DZANK1: variants seen among roughly 807,000 people sequenced by gnomAD.
DZANK1 encodes the protein double zinc ribbon and ankyrin repeat-containing protein 1.
Under a neutral mutation model 94.5 loss-of-function variants are expected in DZANK1, and 91 were observed. The observed-to-expected ratio is 0.96, with a 90% CI of 0.81 to 1.15. The LOEUF (loss-of-function observed/expected upper bound fraction) is 1.15, where lower values mean the gene tolerates loss of function less well. Ranked by LOEUF, DZANK1 falls within the 50% of genes most tolerant of loss-of-function variation. DZANK1 has a pLI of 0.00. For missense variants in DZANK1, 903 were observed against 916.4 expected (o/e 0.99, Z 0.19); for synonymous variants, 312 against 325.3 (o/e 0.96, Z 0.44).
intron 6 of DZANK1, chr20:18,451,857 G>C (rs576564313): frequency 1.9e-6 from 1 of 518,268 alleles, no homozygotes; most frequent in East Asian, 5.5e-5. Context: ...TTCTCACCTG[G>C]AACAAAAGCC....
chr20:18,458,256 C>T (rs921772454), intron 3 of DZANK1, among the ~76,000 whole-genome samples: 2 of 152,112 alleles, frequency 1.3e-5, no homozygotes, highest in African/African-American at 4.8e-5. Flanking sequence ...ATAAGTATCC[C>T]TGGATCTTAG....
At chr20:18,423,630 G>A (rs1437510287) in intron 10 of DZANK1, among the ~76,000 whole-genome samples, 2 of 152,116 alleles carry the variant, frequency 1.3e-5, no homozygotes, top group Admixed American at 1.3e-4. Flanking sequence ...TGTGCTCTCT[G>A]ACCATTAATG....
At chr20:18,458,476 T>C (rs2059365328) in intron 3 of DZANK1, among the ~76,000 whole-genome samples, 2 of 152,196 alleles carry the variant, frequency 1.3e-5, no homozygotes, top group African/African-American at 4.8e-5. Flanking sequence ...CTTAGAATTT[T>C]TTTCTCCATC....
chr20:18,434,857 C>T (rs1032996781), intron 8 of DZANK1, among the ~76,000 whole-genome samples: 5 of 152,140 alleles, frequency 3.3e-5, no homozygotes, highest in African/African-American at 1.2e-4. Flanking sequence ...GGCAAGCAAA[C>T]AAGGAAGACC....
In DZANK1 at chr20:18,414,519, G is replaced by A. The variant is rs770064879; in HGVS notation, c.1078-7C>T. The A allele has an allele frequency of 5.7e-6, 9 of 1,592,280 alleles. No homozygotes were observed. The highest frequency in any genetic ancestry group is 7.7e-6 in the Non-Finnish European group (9 of 1,168,884). ...AGCCAGCAGGAATGCCGAGCTAGAGGATAGAAAATATCTTGATGAATATTA... is the reference window on the plus strand; with the variant it reads ...AGCCAGCAGGAATGCCGAGCTAGAGAATAGAAAATATCTTGATGAATATTA... On this transcript the variant is annotated splice_region_variant and splice_polypyrimidine_tract_variant and intron_variant, in intron 11 of 20. Transcript: ENST00000262547.
intron 8 of DZANK1, among the ~76,000 whole-genome samples, chr20:18,435,124 G>A (rs1031954304): frequency 2.6e-5 from 4 of 152,202 alleles, no homozygotes; most frequent in African/African-American, 4.8e-5. Flanking sequence ...TAGAGTAAAA[G>A]CTGGGGCTGG....
At chr20:18,398,769 A>G (rs918977544) in intron 13 of DZANK1, 143 bp from the exon 14 acceptor site, 11 of 725,518 alleles carry the variant, frequency 1.5e-5, no homozygotes, top group African/African-American at 1.2e-4. Context: ...AACCTCAACT[A>G]TGCTCTGGAA....
chr20:18,385,252 C>T (rs1964715876), intron 19 of DZANK1, among the ~76,000 whole-genome samples, 162 bp from the exon 20 acceptor site: 1 of 151,534 alleles, frequency 6.6e-6, no homozygotes, highest in Admixed American at 6.6e-5. Flanking sequence ...TGGAGGAATA[C>T]TGTGATGGAG....
intron 6 of DZANK1, 52 bp from the exon 7 acceptor site, chr20:18,449,121 T>C: frequency 3.5e-6 from 5 of 1,427,648 alleles, no homozygotes; most frequent in Non-Finnish European, 4.9e-6. Context: ...CAAAATAACA[T>C]GGTAAAGGCT....
At chr20:18,450,487 TG>T (rs1248528253) in intron 6 of DZANK1, among the ~76,000 whole-genome samples, 1 of 152,256 alleles carries the variant, frequency 6.6e-6, no homozygotes, top group Non-Finnish European at 1.5e-5. Context: ...GAGTTTTATT[TG>T]GCATTGGCTC....
chr20:18,448,936 T>C, intron 7 of DZANK1, 48 bp downstream of exon 7: 3 of 1,452,400 alleles, frequency 2.1e-6, no homozygotes, highest in Non-Finnish European at 2.9e-6. Context: ...TTGACCATGA[T>C]GTATCTTTGT....
Position 18,443,442 on chromosome 20 carries a change from G to C in DZANK1, c.652C>G (p.Arg218Gly), listed in dbSNP as rs190534960. 1.0e-4 allele frequency: 154 copies of C among 1,492,648 alleles called. No homozygotes were observed. Among genetic ancestry groups the C allele is most frequent in the Non-Finnish European group, 1.3e-4 (146 of 1,120,482 alleles). The allele number at this position is 1,492,648 out of a possible 1,614,324, so 92.5% of individuals were successfully genotyped here. A position where few individuals can be genotyped will look rare whatever the true frequency, so the allele number is the denominator to read the frequency against. ...AAGCGAGCAAAGGGATCTGATGGCC[G>C]GGGGGCAAGGCAGTGGGCACACCTA... The change falls in exon 8 of 21, where the codon CGG (arginine) becomes GGG (glycine). Residue 218 changes from arginine to glycine, a missense_variant. Transcript: ENST00000262547.
chr20:18,460,174 ACTT>A, exon 3 of DZANK1: 1 of 1,558,230 alleles, frequency 6.4e-7, no homozygotes, highest in Non-Finnish European at 8.8e-7. Flanking sequence ...AATAGCTTTA[ACTT>A]GTATTTTTCC....
chr20:18,463,916 C>T (rs1200954674), intron 2 of DZANK1, among the ~76,000 whole-genome samples: 1 of 151,894 alleles, frequency 6.6e-6, no homozygotes, highest in Non-Finnish European at 1.5e-5. Context: ...TTTTACACAT[C>T]TATTTGTTCA....
In DZANK1 at chr20:18,452,046, T is replaced by C. The variant is rs2424196; in HGVS notation, c.543+569A>G. The C allele has an allele frequency of 1.4e-5, 6 of 419,440 alleles. No individual in the cohort carries two copies. The Admixed American group carries it at 1.8e-4, about 13-fold the overall frequency. 26.0% of individuals were successfully genotyped at this position (419,440 alleles called of 1,614,324 possible). ...AGTATCTGTGACTCTCAACCATACC[T>C]GACCGTTAGAATCATTTAGGGGTGG... is the stretch of plus-strand genomic sequence containing the variant. On this transcript the variant is annotated intron_variant, in intron 6 of 20. Transcript: ENST00000262547.
In DZANK1 at chr20:18,414,535, A is replaced by T. The variant is rs369952954; in HGVS notation, c.1078-23T>A. On this transcript the variant is annotated intron_variant, in intron 11 of 20. Transcript: ENST00000262547. Reference sequence around the variant, plus strand: ...GAGCTAGAGGATAGAAAATATCTTGATGAATATTAGAGTTATAATTTCCTC... The same window carrying T: ...GAGCTAGAGGATAGAAAATATCTTGTTGAATATTAGAGTTATAATTTCCTC... The T allele has an allele frequency of 1.5e-5, 23 of 1,569,862 alleles. No individual in the cohort carries two copies. The African/African-American group carries it at 2.6e-4, about 18-fold the overall frequency.
intron 17 of DZANK1, 33 bp from the exon 18 acceptor site, chr20:18,390,492 A>G: frequency 6.3e-7 from 1 of 1,594,060 alleles, no homozygotes; most frequent in Non-Finnish European, 8.6e-7. Flanking sequence ...CATTTCCCCC[A>G]CTTCAAAATA....
chr20:18,448,303 T>A (rs2058958746), intron 7 of DZANK1, among the ~76,000 whole-genome samples: 1 of 152,144 alleles, frequency 6.6e-6, no homozygotes, highest in African/African-American at 2.4e-5. Context: ...ACACACTAAG[T>A]CACTTCGTTG....
At chr20:18,386,315 T>A (rs6081124) in intron 19 of DZANK1, among the ~76,000 whole-genome samples, 23,702 of 152,100 alleles carry the variant, frequency 0.16, 2,230 homozygotes, top group Non-Finnish European at 0.21. Flanking sequence ...ATACACAGAG[T>A]TACCAGTCAT....
Sources: gnomAD v4.1 joint callset for allele counts (sites outside exome capture counted in the v4.1 genomes callset) on GRCh38, gnomAD v4.1.1 for gene constraint, MANE v1.5 for transcripts, NCBI Gene and HGNC (gene_info 2026-07-23, HGNC 2026-07-21) for gene names.